The following CACNA1G variants were observed in gnomAD, a reference collection of about 807,000 sequenced individuals.
CACNA1G encodes calcium voltage-gated channel subunit alpha1 G, also known as voltage-dependent T-type calcium channel subunit alpha-1G.
A neutral mutation model predicts 219.4 loss-of-function variants in CACNA1G; 67 were observed. That is an observed-to-expected ratio of 0.31 (90% CI 0.25 to 0.37). The LOEUF (loss-of-function observed/expected upper bound fraction) is 0.37, where lower values mean the gene tolerates loss of function less well. CACNA1G is among the 10% of genes least tolerant of loss of function. The probability of loss-of-function intolerance (pLI) is 1.00; values close to 1 mark genes in which losing one functional copy is unlikely to be tolerated. For synonymous variants in CACNA1G, 1,296 were observed against 1,345.3 expected, an observed-to-expected ratio of 0.96 and a Z score of 0.80; for missense variants, 2,380 against 3,231.4, an observed-to-expected ratio of 0.74 and a Z score of 6.39.
At chr17:50,587,597 G>A (rs992147066) in intron 9 of CACNA1G, among the ~76,000 whole-genome samples, 13 of 152,342 alleles carry the variant, frequency 8.5e-5, no homozygotes, top group African/African-American at 2.2e-4. Flanking sequence ...AGGGAATACC[G>A]GGGCCCTGGA....
In CACNA1G at chr17:50,596,737, C is replaced by G; in HGVS notation, c.3072C>G (p.Ser1024=). ...GDRKKCLALV[S]LGEHPELRKS... ...CCCTCTCTCCCCGTGCAGTGGTGTC[C>G]CTGGGAGAGCACCCGGAGCTGCGGA... Residue 1024 remains serine (S), a synonymous_variant, in exon 16 of 38, where the codon TCC becomes TCG. Coordinates refer to ENST00000359106, the MANE Select transcript of CACNA1G (RefSeq NM_018896.5). The surrounding 1 kb of genome is among the most constrained non-coding windows in gnomAD (Gnocchi z 4.8). The G allele has an allele frequency of 6.2e-7, 1 of 1,613,564 alleles. No individual in the cohort carries two copies.
chr17:50,590,877 C>G lies in CACNA1G; in HGVS notation c.2453+255C>G, dbSNP rs571257897. On this transcript the variant is annotated intron_variant, in intron 10 of 37. Transcript: ENST00000359106. ...CATTGCCCAGGCCCCTCTTTAGTCT[C>G]CTCTCTCCACTTCTACCTCTTGTCC... 2.0e-5 allele frequency among the ~76,000 whole-genome samples: 3 copies of G among 152,286 alleles called. No individual in the cohort carries two copies. In the East Asian group the frequency reaches 5.8e-4, roughly 30 times the overall value.
chr17:50,619,032 G>A (rs745536109), intron 33 of CACNA1G, 24 bp downstream of exon 33: 32 of 1,480,820 alleles, frequency 2.2e-5, no homozygotes, highest in South Asian at 5.5e-5. Flanking sequence ...CACCCCAGCC[G>A]TGAGAGGAGC....
chr17:50,612,833 T>C (rs1465710066), intron 26 of CACNA1G, among the ~76,000 whole-genome samples: 2 of 152,184 alleles, frequency 1.3e-5, no homozygotes, highest in Non-Finnish European at 2.9e-5. Context: ...CTCATCCTGG[T>C]GGGAGGCAGG....
chr17:50,565,387 C>A (rs9898032), intron 1 of CACNA1G, among the ~76,000 whole-genome samples: 2 of 139,156 alleles, frequency 1.4e-5, no homozygotes, highest in Non-Finnish European at 1.5e-5. Context: ...TGGGGTGGGG[C>A]GGGGGGTTCT....
chr17:50,601,745 G>A lies in CACNA1G; in HGVS notation c.3915+571G>A, dbSNP rs187988805. On this transcript the variant is annotated intron_variant, in intron 19 of 37. Coordinates refer to ENST00000359106, the MANE Select transcript of CACNA1G (RefSeq NM_018896.5). ...AGGGTGGGCCCAGCTCACCCTGGGAGCTGTCTCTTCCTAGCCTGGCATTAT... is the reference window on the plus strand; with the variant it reads ...AGGGTGGGCCCAGCTCACCCTGGGAACTGTCTCTTCCTAGCCTGGCATTAT... 2.8e-3 allele frequency among the ~76,000 whole-genome samples: 432 copies of A among 152,292 alleles called. 2 individuals carry two copies. Among genetic ancestry groups the A allele is most frequent in the African/African-American group, 1.0e-2 (414 of 41,566 alleles).
intron 7 of CACNA1G, 118 bp from the exon 8 acceptor site, chr17:50,575,425 T>A: frequency 9.5e-7 from 1 of 1,057,098 alleles, no homozygotes; most frequent in Non-Finnish European, 1.3e-6. Flanking sequence ...AATGAGATAA[T>A]GCTTGGAAAA....
intron 35 of CACNA1G, among the ~76,000 whole-genome samples, chr17:50,623,182 A>AC (rs559552742): frequency 2.8e-4 from 28 of 99,058 alleles, no homozygotes; most frequent in South Asian, 2.8e-3. Flanking sequence ...TATAGCTTTG[A>AC]CCCCCCCGGC....
chr17:50,573,503 A>G (rs577458750), intron 7 of CACNA1G: 3 of 171,372 alleles, frequency 1.8e-5, no homozygotes, highest in Admixed American at 1.7e-4. Context: ...CATAACTCAC[A>G]TATCATTCAA....
chr17:50,590,637 C>A lies in CACNA1G; in HGVS notation c.2453+15C>A, dbSNP rs771308354. Reference sequence around the variant, plus strand: ...GTGGTCATCAGGTATGACTACCCCCCGGCACTGACTCTCAGTTGAGGAATG... The same window carrying A: ...GTGGTCATCAGGTATGACTACCCCCAGGCACTGACTCTCAGTTGAGGAATG... On this transcript the variant is annotated intron_variant, in intron 10 of 37. Coordinates refer to ENST00000359106, the MANE Select transcript of CACNA1G (RefSeq NM_018896.5). The A allele has an allele frequency of 6.2e-7, 1 of 1,607,908 alleles. No homozygotes were observed. Among genetic ancestry groups the A allele is most frequent in the African/African-American group, 1.4e-5 (1 of 73,624 alleles).
chr17:50,589,549 G>A (rs2043717466), intron 9 of CACNA1G, among the ~76,000 whole-genome samples: 1 of 152,182 alleles, frequency 6.6e-6, no homozygotes, highest in Admixed American at 6.5e-5. Context: ...GCATTGCTAG[G>A]CACTTCATAT....
intron 35 of CACNA1G, among the ~76,000 whole-genome samples, chr17:50,623,086 G>C (rs1227645819): frequency 4.5e-5 from 6 of 134,668 alleles, no homozygotes; most frequent in Non-Finnish European, 7.7e-5. Context: ...AGGGGCTGCT[G>C]TTGGCTTTTT....
intron 27 of CACNA1G, 106 bp downstream of exon 27, chr17:50,615,618 C>CT (rs980513100): frequency 4.0e-6 from 5 of 1,238,626 alleles, no homozygotes; most frequent in Non-Finnish European, 5.6e-6. Flanking sequence ...CAAGCAAGTG[C>CT]TAGGCACACT....
chr17:50,585,173 T>G (rs1445810587), intron 9 of CACNA1G, among the ~76,000 whole-genome samples: 1 of 152,140 alleles, frequency 6.6e-6, no homozygotes, highest in East Asian at 1.9e-4. Context: ...AGAGATGGAA[T>G]CCTGATCTGC....
chr17:50,574,153 G>A (rs908505356), intron 7 of CACNA1G, among the ~76,000 whole-genome samples: 1 of 152,190 alleles, frequency 6.6e-6, no homozygotes, highest in African/African-American at 2.4e-5. Context: ...GTGGGTCACT[G>A]GGCCAAGATC....
chr17:50,573,219 G>T (rs1197285959), intron 7 of CACNA1G, 106 bp downstream of exon 7: 1 of 796,790 alleles, frequency 1.3e-6, no homozygotes, highest in Admixed American at 2.0e-5. Context: ...TTAGCTCTCA[G>T]GACAAGTCCT....
At position 50,575,983 on chromosome 17, in the gene CACNA1G, T is replaced by C; in HGVS notation, c.1581T>C (p.Asn527=). Residue 527 remains asparagine (N), a synonymous_variant, in exon 8 of 38, where the codon AAT becomes AAC. Transcript: ENST00000359106. ...ASPEIQDRDA[N]GSRRLMLPPP... ...CGGAGATCCAGGACAGGGATGCCAA[T>C]GGGTCCCGCCGGCTCATGCTGCCAC... 1.9e-6 allele frequency: 3 copies of C among 1,553,174 alleles called. No individual in the cohort carries two copies. Among genetic ancestry groups the C allele is most frequent in the Admixed American group, 3.9e-5 (2 of 51,436 alleles).
intron 13 of CACNA1G, 77 bp downstream of exon 13, chr17:50,592,169 C>T: frequency 1.4e-6 from 2 of 1,461,316 alleles, no homozygotes; most frequent in Non-Finnish European, 1.9e-6. Context: ...TGAGCCTCCT[C>T]CCTCTGTTGC....
intron 35 of CACNA1G, among the ~76,000 whole-genome samples, chr17:50,622,899 G>A (rs189406064): frequency 6.6e-6 from 1 of 152,046 alleles, no homozygotes; most frequent in Non-Finnish European, 1.5e-5. Context: ...CATGCCTCTG[G>A]TGGTCATCTG....
Sources: allele counts gnomAD v4.1 joint callset (sites outside exome capture counted in the v4.1 genomes callset), GRCh38; gene constraint gnomAD v4.1.1; non-coding constraint Gnocchi (gnomAD v3.1); transcripts MANE v1.5; gene names NCBI Gene and HGNC (gene_info 2026-07-23, HGNC 2026-07-21).